The following KDM2B variants were observed in gnomAD, a reference collection of about 807,000 sequenced individuals.
KDM2B encodes the protein lysine demethylase 2B, also known as lysine-specific demethylase 2B.
KDM2B carries 26 observed loss-of-function variants against 150.0 expected under a neutral mutation model. That is an observed-to-expected ratio of 0.17 (90% CI 0.13 to 0.24). KDM2B has a LOEUF of 0.24. Ranked by LOEUF, KDM2B falls within the 10% of genes least tolerant of loss-of-function variation. The pLI is 1.00. For missense variants in KDM2B, 1,265 were observed against 1,816.9 expected (o/e 0.70, Z 5.52); for synonymous variants, 734 against 729.5 (o/e 1.01, Z -0.10).
At chr12:121,515,877 G>GGGGACCATCATCTA (rs1886138807) in intron 9 of KDM2B, among the ~76,000 whole-genome samples, 2 of 152,236 alleles carry the variant, frequency 1.3e-5, no homozygotes, top group East Asian at 3.9e-4. Flanking sequence ...TGCACGGAGT[G>GGGGACCATCATCTA]GGGACCATCA....
At chr12:121,444,568 C>T (rs781999571) in intron 14 of KDM2B, 32 bp from the exon 15 acceptor site, 62 of 1,597,100 alleles carry the variant, frequency 3.9e-5, no homozygotes, top group Non-Finnish European at 4.9e-5. Flanking sequence ...AGAAGAGGGA[C>T]GGGCGGAGAA....
chr12:121,520,707 G>C lies in KDM2B; in HGVS notation c.1047+278C>G, dbSNP rs60924571. ...AAGAGGCAGGTCCCTGAAATCTCACGGTGCTTTCTCAGAGACACTTCCTCT... is the reference window on the plus strand; with the variant it reads ...AAGAGGCAGGTCCCTGAAATCTCACCGTGCTTTCTCAGAGACACTTCCTCT... On this transcript the variant is annotated intron_variant, in intron 9 of 22. Coordinates refer to ENST00000377071, the MANE Select transcript of KDM2B (RefSeq NM_032590.5). This position sits in a 1 kb window ranked among gnomAD's most constrained non-coding sequence, Gnocchi z 4.5. 9.5e-3 allele frequency among the ~76,000 whole-genome samples: 1,440 copies of C among 152,148 alleles called. 19 individuals carry two copies. Among genetic ancestry groups the C allele is most frequent in the African/African-American group, 0.03 (1,245 of 41,488 alleles).
rs146957131 is a variant in KDM2B at position 121,517,104 on chromosome 12, C to A, written c.1048-3702G>T. 7.8e-3 allele frequency among the ~76,000 whole-genome samples: 1,189 copies of A among 152,160 alleles called. 9 individuals are homozygous for A. Among genetic ancestry groups the A allele is most frequent in the African/African-American group, 0.028 (1,142 of 41,520 alleles). On this transcript the variant is annotated intron_variant, in intron 9 of 22. Coordinates refer to ENST00000377071, the MANE Select transcript of KDM2B (RefSeq NM_032590.5). Reference sequence around the variant, plus strand: ...CAATTTAATGATCATTTGGACCATACCTATTCCCTATCAACCTAACTGAAG... The same window carrying A: ...CAATTTAATGATCATTTGGACCATAACTATTCCCTATCAACCTAACTGAAG...
rs1014610771 is a variant in KDM2B, at chr12:121,575,026, T to C, written c.351-433A>G. Among the ~76,000 whole-genome samples, 2 of 152,124 alleles carry C rather than the reference T, an allele frequency of 1.3e-5. No individual in the cohort carries two copies. ...CAAAGTGGGACGGACCCCTTTAAGT[T>C]CAGAGGGAAAAAAAGACACGCATTG... On this transcript the variant is annotated intron_variant, in intron 3 of 22. Coordinates refer to ENST00000377071, the MANE Select transcript of KDM2B (RefSeq NM_032590.5). This position sits in a 1 kb window ranked among gnomAD's most constrained non-coding sequence, Gnocchi z 4.4.
rs1555295319 is a variant in KDM2B, at chr12:121,468,501, T to C, written c.1735-15157A>G. The C allele has an allele frequency of 6.6e-6, 1 of 152,216 alleles. No individual in the cohort carries two copies. Among genetic ancestry groups the C allele is most frequent in the Admixed American group, 6.5e-5 (1 of 15,276 alleles). 9.4% of individuals were successfully genotyped at this position (152,216 alleles called of 1,614,324 possible). A position where few individuals can be genotyped will look rare whatever the true frequency, so the allele number is the denominator to read the frequency against. On this transcript the variant is annotated intron_variant, in intron 12 of 22. Transcript: ENST00000377071. The surrounding 1 kb of genome is among the most constrained non-coding windows in gnomAD (Gnocchi z 4.0). The stretch of plus-strand genomic sequence containing the variant: ...CACTAAATATGCACACCTGTACCTG[T>C]TCAGTTTCTCCATCTATACAAGGGG...
chr12:121,445,255 G>A lies in KDM2B; in HGVS notation c.2103+20C>T, dbSNP rs1555289890. 4 of 1,611,336 alleles carry A rather than the reference G, an allele frequency of 2.5e-6. No individual in the cohort carries two copies. The South Asian group carries it at 4.4e-5, about 18-fold the overall frequency. On this transcript the variant is annotated intron_variant, in intron 14 of 22. Transcript: ENST00000377071. ...CTGCCCCAGAGCGTCAGCACCACCT[G>A]TCCCCACTGGGCCACTCACCTTAAG...
intron 6 of KDM2B, chr12:121,535,940 C>T: frequency 1.9e-6 from 1 of 534,588 alleles, no homozygotes; most frequent in Non-Finnish European, 2.4e-6. Context: ...CCAGGTGGCA[C>T]GGATGGGCAG....
chr12:121,425,754 T>G (rs1300835510), downstream of KDM2B, among the ~76,000 whole-genome samples: 1 of 151,436 alleles, frequency 6.6e-6, no homozygotes. Context: ...TGGGCACTTG[T>G]GCTTTTTGTC....
intron 12 of KDM2B, among the ~76,000 whole-genome samples, chr12:121,473,536 T>C (rs569078840): frequency 6.6e-6 from 1 of 151,566 alleles, no homozygotes; most frequent in African/African-American, 2.4e-5. Flanking sequence ...CTGGCCAACA[T>C]GGAGAAACCC....
chr12:121,559,643 G>A (rs1890190599), intron 4 of KDM2B, among the ~76,000 whole-genome samples: 1 of 152,134 alleles, frequency 6.6e-6, no homozygotes, highest in African/African-American at 2.4e-5. Flanking sequence ...GCTCATGCCT[G>A]TAATCCCAGC....
chr12:121,526,686 T>C (rs1887162578), intron 8 of KDM2B, among the ~76,000 whole-genome samples: 1 of 152,092 alleles, frequency 6.6e-6, no homozygotes, highest in African/African-American at 2.4e-5. Flanking sequence ...GATCACAACA[T>C]TGCACTCCAG....
chr12:121,528,356 T>G (rs1413627603), intron 8 of KDM2B, among the ~76,000 whole-genome samples: 1 of 151,992 alleles, frequency 6.6e-6, no homozygotes, highest in African/African-American at 2.4e-5. Flanking sequence ...GCCAGGAATT[T>G]GAGACCAGGT....
At chr12:121,422,193 A>G in the KDM2B span, among the ~76,000 whole-genome samples, 2 of 152,302 alleles carry the variant, frequency 1.3e-5, no homozygotes, top group Admixed American at 6.5e-5. Context: ...CATGGTTTCC[A>G]GTGTCTTTCT....
intron 19 of KDM2B, among the ~76,000 whole-genome samples, chr12:121,441,652 G>A (rs782137788): frequency 1.3e-5 from 2 of 152,008 alleles, no homozygotes; most frequent in African/African-American, 4.8e-5. Flanking sequence ...GGCCAGGCTG[G>A]TCTTGAACTC....
Position 121,442,397 on chromosome 12 carries a change from C to T in KDM2B, c.3044G>A (p.Ser1015Asn). The change falls in exon 19 of 23, where the codon AGC becomes AAC. Residue 1015 changes from serine to asparagine, a missense_variant. Transcript: ENST00000377071. The surrounding 1 kb of genome is among the most constrained non-coding windows in gnomAD (Gnocchi z 7.7). The stretch of plus-strand genomic sequence containing the variant: ...GATGACACGGGGCGGGCTGCGCAGG[C>T]TGGGCCCCAGCTGGTGCCGCAGCTC... ...PRELRHQLGPSLRSPPRVISR... is the reference protein window; with the variant it reads ...PRELRHQLGPNLRSPPRVISR... 1.3e-6 allele frequency: 2 copies of T among 1,596,024 alleles called. No individual in the cohort carries two copies. Among genetic ancestry groups the T allele is most frequent in the Non-Finnish European group, 1.7e-6 (2 of 1,174,420 alleles).
rs552257193 is a variant in KDM2B at position 121,435,218 on chromosome 12, T to C, written c.3829+4639A>G. 1.5e-3 allele frequency among the ~76,000 whole-genome samples: 234 copies of C among 152,254 alleles called. 2 individuals are homozygous for C. The highest frequency in any genetic ancestry group is 5.1e-3 in the African/African-American group (212 of 41,536). On this transcript the variant is annotated intron_variant, in intron 22 of 22. Coordinates refer to ENST00000377071, the MANE Select transcript of KDM2B (RefSeq NM_032590.5). The stretch of plus-strand genomic sequence containing the variant: ...GGATGTTGGTGACAGTTGCACAACA[T>C]TGTGAATGTACTTAATGCCACTGAA...
chr12:121,459,678 A>C (rs1878827267), intron 12 of KDM2B, among the ~76,000 whole-genome samples: 1 of 152,104 alleles, frequency 6.6e-6, no homozygotes, highest in Non-Finnish European at 1.5e-5. Context: ...TAAAAATACA[A>C]AATTAGCCAG....
chr12:121,420,335 G>A, the KDM2B span: 1 of 1,560,320 alleles, frequency 6.4e-7, no homozygotes, highest in South Asian at 1.2e-5. Flanking sequence ...AGAGGATCGG[G>A]TGAGGCCACC....
At chr12:121,428,000 A>G (rs1466526595), downstream of KDM2B, among the ~76,000 whole-genome samples, 1 of 152,228 alleles carries the variant, frequency 6.6e-6, no homozygotes, top group East Asian at 1.9e-4. Flanking sequence ...TCAAGAAAAC[A>G]AATATTACCA....
Sources: allele counts gnomAD v4.1 joint callset (sites outside exome capture counted in the v4.1 genomes callset), GRCh38; gene constraint gnomAD v4.1.1; non-coding constraint Gnocchi (gnomAD v3.1); transcripts MANE v1.5; gene names NCBI Gene and HGNC (gene_info 2026-07-23, HGNC 2026-07-21).